Variants in PIAS3 observed in about 807,000 individuals in gnomAD.
The protein encoded by PIAS3 is protein inhibitor of activated STAT 3, also known as E3 SUMO-protein ligase PIAS3.
In PIAS3, 34 loss-of-function variants were observed where a neutral mutation model predicts 67.6. The observed-to-expected ratio is 0.50, with a 90% CI of 0.38 to 0.67. PIAS3 has a LOEUF of 0.67. Among genes scored for constraint, PIAS3 ranks in the 30% least tolerant of loss-of-function variants. The pLI is 0.00. For synonymous variants in PIAS3, 341 were observed against 313.8 expected (o/e 1.09, Z -0.92); for missense variants, 693 against 791.6 (o/e 0.88, Z 1.49).
intron 9 of PIAS3, among the ~76,000 whole-genome samples, chr1:145,852,327 A>G (rs1652994809): frequency 6.6e-6 from 1 of 152,170 alleles, no homozygotes; most frequent in Non-Finnish European, 1.5e-5. Flanking sequence ...TTCCAAAAAG[A>G]GGTTAAGACT....
Position 145,856,784 on chromosome 1 carries a change from CA to C in PIAS3, c.246del (p.Gly83AlafsTer5). ...PSDLSLLSLP[P>X]GTSPVGSPGP... ...CCAGGGGAGCCTACAGGAGAGGTGCCAGGGGGCAAAGAGAGAAGGGAGAGAT... is the reference window on the plus strand; with the variant it reads ...CCAGGGGAGCCTACAGGAGAGGTGCCGGGGGCAAAGAGAGAAGGGAGAGAT... On this transcript the variant is annotated frameshift_variant, in exon 2 of 14. Transcript: ENST00000393045. LOFTEE classifies it high-confidence loss of function. The C allele has an allele frequency of 6.2e-7, 1 of 1,614,102 alleles. No individual in the cohort carries two copies. The highest frequency in any genetic ancestry group is 8.5e-7 in the Non-Finnish European group (1 of 1,180,002).
chr1:145,857,103 T>C (rs1157079263), intron 1 of PIAS3, 97 bp from the exon 2 acceptor site: 16 of 1,016,488 alleles, frequency 1.6e-5, no homozygotes, highest in Non-Finnish European at 2.4e-5. Flanking sequence ...TGCCTTTCTC[T>C]CCAGCACTGA....
At position 145,849,081 on chromosome 1, in the gene PIAS3, T is replaced by C. The variant is rs1215783614; in HGVS notation, c.*365A>G. 1.1e-5 allele frequency: 2 copies of C among 184,126 alleles called. No individual in the cohort carries two copies. The highest frequency in any genetic ancestry group is 2.2e-5 in the Non-Finnish European group (2 of 89,680). The allele number at this position is 184,126 out of a possible 1,614,324, so 11.4% of individuals were successfully genotyped here. A position where few individuals can be genotyped will look rare whatever the true frequency, so the allele number is the denominator to read the frequency against. ...TAATAAGAAGAGAGAGCATTTGGGG[T>C]TCAAGAGAGGTGCCCCTTCCCCAAG... On this transcript the variant is annotated 3_prime_UTR_variant, in exon 14 of 14. Coordinates refer to ENST00000393045, the MANE Select transcript of PIAS3 (RefSeq NM_006099.3).
chr1:145,850,132 G>C, intron 13 of PIAS3, 100 bp downstream of exon 13: 1 of 1,587,882 alleles, frequency 6.3e-7, no homozygotes, highest in Admixed American at 1.9e-5. Flanking sequence ...CGGGAAAGCA[G>C]ATTTACATCC....
Position 145,849,009 on chromosome 1 carries a change from A to G in PIAS3, c.*437T>C, listed in dbSNP as rs1652845420. The stretch of plus-strand genomic sequence containing the variant: ...TTTGGCCGAAGGGAATGGAATAGAC[A>G]TGAAGAGACAATGGATGTGAAGAAG... On this transcript the variant is annotated 3_prime_UTR_variant, in exon 14 of 14. Transcript: ENST00000393045. The G allele has an allele frequency of 6.1e-6, 1 of 163,162 alleles. No homozygotes were observed. Among genetic ancestry groups the G allele is most frequent in the Non-Finnish European group, 1.3e-5 (1 of 75,444 alleles). The allele number at this position is 163,162 out of a possible 1,614,324, so 10.1% of individuals were successfully genotyped here.
Position 145,859,020 on chromosome 1 carries a change from G to C in PIAS3, c.-30C>G, listed in dbSNP as rs1553736180. 3.2e-6 allele frequency: 5 copies of C among 1,542,588 alleles called. No homozygotes were observed. The highest frequency in any genetic ancestry group is 4.4e-6 in the Non-Finnish European group (5 of 1,145,132). On this transcript the variant is annotated 5_prime_UTR_variant, in exon 1 of 14. Coordinates refer to ENST00000393045, the MANE Select transcript of PIAS3 (RefSeq NM_006099.3). ...AGACATCGCAGGCGCCCCAGCCGGA[G>C]CCGGAGCTCAGGCCCAGGGACCGGC...
intron 1 of PIAS3, 146 bp from the exon 2 acceptor site, chr1:145,857,152 A>G (rs1653224406): frequency 1.4e-6 from 1 of 729,216 alleles, no homozygotes; most frequent in African/African-American, 1.8e-5. Context: ...GATTACTGCC[A>G]GGTAGTCGAC....
chr1:145,858,058 T>G (rs1559166042), intron 1 of PIAS3, among the ~76,000 whole-genome samples: 1 of 152,042 alleles, frequency 6.6e-6, no homozygotes, highest in African/African-American at 2.4e-5. Context: ...TAGTTTGAGG[T>G]TCTATGAGAT....
Position 145,850,235 on chromosome 1 carries a change from ACT to A in PIAS3, c.1615_1616del (p.Gln540AlafsTer12). The A allele has an allele frequency of 6.2e-7, 1 of 1,614,056 alleles. No homozygotes were observed. The highest frequency in any genetic ancestry group is 8.5e-7 in the Non-Finnish European group (1 of 1,179,998). ...TTCTGAAGAAAGAACCACTTACCTG[ACT>A]CTCTGTCTGAAGAAATGAAAATAAA... ...LDLFSFLQTESQHYGPSVITS... is the reference protein window; with the variant it reads ...LDLFSFLQTEXQHYGPSVITS... On this transcript the variant is annotated frameshift_variant, in exon 13 of 14. Transcript: ENST00000393045. LOFTEE classifies it high-confidence loss of function.
chr1:145,856,485 A>G, intron 2 of PIAS3, 54 bp from the exon 3 acceptor site: 1 of 1,599,158 alleles, frequency 6.3e-7, no homozygotes, highest in Non-Finnish European at 8.6e-7. Flanking sequence ...AGCCACAGAA[A>G]TCGCCCCCAT....
Position 145,850,509 on chromosome 1 carries a change from G to T in PIAS3, c.1526C>A (p.Ser509Tyr). 1 of 1,614,210 alleles carries T rather than the reference G, an allele frequency of 6.2e-7. No individual in the cohort carries two copies. The highest frequency in any genetic ancestry group is 8.5e-7 in the Non-Finnish European group (1 of 1,180,030). The change falls in exon 12 of 14, where the codon TCC (serine) becomes TAC (tyrosine). Residue 509 changes from serine to tyrosine, a missense_variant. Ser to Tyr is a moderately radical substitution (Grantham distance 144). Coordinates refer to ENST00000393045, the MANE Select transcript of PIAS3 (RefSeq NM_006099.3). ...TGGGTACTCATGTAGTGGGAGACTG[G>T]ACAGGAAATCCCCACCCAACGTGCC... ...AMGTLGGDFL[S>Y]SLPLHEYPPA...
chr1:145,851,161 AAG>A lies in PIAS3; in HGVS notation c.1146-10_1146-9del. On this transcript the variant is annotated splice_polypyrimidine_tract_variant and intron_variant, in intron 9 of 13. Transcript: ENST00000393045. ...AGAATCTCCATAAATAAACTGGGGG[AAG>A]AGAGAGATGAAAATTCACGGGGCTG... 13 of 1,613,242 alleles carry A rather than the reference AAG, an allele frequency of 8.1e-6. No homozygotes were observed. The highest frequency in any genetic ancestry group is 1.0e-5 in the Non-Finnish European group (12 of 1,179,178).
At position 145,855,024 on chromosome 1, in the gene PIAS3, C is replaced by T. The variant is rs1553735261; in HGVS notation, c.670-144G>A. On this transcript the variant is annotated intron_variant, in intron 5 of 13. Coordinates refer to ENST00000393045, the MANE Select transcript of PIAS3 (RefSeq NM_006099.3). Reference sequence around the variant, plus strand: ...CTCACTGACCAAGGGGATGGAGGCCCATTCAGTGGCTCACAAAACTGGAGC... The same window carrying T: ...CTCACTGACCAAGGGGATGGAGGCCTATTCAGTGGCTCACAAAACTGGAGC... 3 of 904,096 alleles carry T rather than the reference C, an allele frequency of 3.3e-6. No homozygotes were observed. The East Asian group carries it at 7.2e-5, about 22-fold the overall frequency. 56.0% of individuals were successfully genotyped at this position (904,096 alleles called of 1,614,324 possible).
chr1:145,849,955 A>G, intron 13 of PIAS3: 1 of 1,421,428 alleles, frequency 7.0e-7, no homozygotes, highest in African/African-American at 1.4e-5. Flanking sequence ...AATGTGTGGA[A>G]TGTCCGGTTA....
chr1:145,854,580 G>T lies in PIAS3; in HGVS notation c.805-17C>A. The T allele has an allele frequency of 6.3e-7, 1 of 1,595,616 alleles. No individual in the cohort carries two copies. The highest frequency in any genetic ancestry group is 8.6e-7 in the Non-Finnish European group (1 of 1,163,150). ...GGAGTAATTCTACTTGGAGGCAGGG[G>T]GTAGACAATTAGCCTCTGCTTCTCA... On this transcript the variant is annotated splice_polypyrimidine_tract_variant and intron_variant, in intron 6 of 13. Coordinates refer to ENST00000393045, the MANE Select transcript of PIAS3 (RefSeq NM_006099.3).
rs137962073 is a variant in PIAS3, at chr1:145,849,200, A to G, written c.*246T>C. The G allele has an allele frequency of 3.5e-4, 123 of 353,412 alleles. No individual in the cohort carries two copies. Among genetic ancestry groups the G allele is most frequent in the African/African-American group, 2.3e-3 (109 of 47,844 alleles). The allele number at this position is 353,412 out of a possible 1,614,324, so 21.9% of individuals were successfully genotyped here. On this transcript the variant is annotated 3_prime_UTR_variant, in exon 14 of 14. Coordinates refer to ENST00000393045, the MANE Select transcript of PIAS3 (RefSeq NM_006099.3). The stretch of plus-strand genomic sequence containing the variant: ...CCCACTGCCTAGGTTAACATACCCA[A>G]AGGAATGTGCCACCATCTAAAGAAC...
Position 145,849,724 on chromosome 1 carries a change from C to A in PIAS3, c.1621-12G>T. The A allele has an allele frequency of 6.4e-7, 1 of 1,567,664 alleles. No individual in the cohort carries two copies. Among genetic ancestry groups the A allele is most frequent in the South Asian group, 1.2e-5 (1 of 85,366 alleles). On this transcript the variant is annotated splice_polypyrimidine_tract_variant and intron_variant, in intron 13 of 13. Coordinates refer to ENST00000393045, the MANE Select transcript of PIAS3 (RefSeq NM_006099.3). The stretch of plus-strand genomic sequence containing the variant: ...GAGGGGCCATAGTGCTAGGAAGAAT[C>A]AAGGGCATAGTTTAAGATCTCAATC...
intron 6 of PIAS3, 86 bp from the exon 7 acceptor site, chr1:145,854,649 C>T: frequency 6.3e-7 from 1 of 1,590,622 alleles, no homozygotes; most frequent in Non-Finnish European, 8.6e-7. Context: ...CAGAGACAGA[C>T]TCATAAAGAG....
chr1:145,849,425 A>T lies in PIAS3; in HGVS notation c.*21T>A. 6.8e-7 allele frequency: 1 copy of T among 1,478,750 alleles called. No individual in the cohort carries two copies. The highest frequency in any genetic ancestry group is 8.9e-7 in the Non-Finnish European group (1 of 1,120,480). 91.6% of individuals were successfully genotyped at this position (1,478,750 alleles called of 1,614,324 possible). A position where few individuals can be genotyped will look rare whatever the true frequency, so the allele number is the denominator to read the frequency against. The stretch of plus-strand genomic sequence containing the variant: ...CTTGCTCAGTGTTGGGGGACAGCGA[A>T]GTTTCCATAATCCAGGGAACTCAGT... On this transcript the variant is annotated 3_prime_UTR_variant, in exon 14 of 14. Coordinates refer to ENST00000393045, the MANE Select transcript of PIAS3 (RefSeq NM_006099.3).
Sources: gnomAD v4.1 joint callset for allele counts (sites outside exome capture counted in the v4.1 genomes callset) on GRCh38, gnomAD v4.1.1 for gene constraint, MANE v1.5 for transcripts, NCBI Gene and HGNC (gene_info 2026-07-23, HGNC 2026-07-21) for gene names.